Variants in TTN observed in about 807,000 individuals in gnomAD.
TTN encodes the protein connectin.
In TTN, 1,525 loss-of-function variants were observed where a neutral mutation model predicts 3,223.0. The observed-to-expected ratio is 0.47, with a 90% CI of 0.45 to 0.49. The LOEUF is 0.49. Ranked by LOEUF, TTN falls within the 20% of genes least tolerant of loss-of-function variation. The probability of loss-of-function intolerance (pLI) is 0.00; values close to 1 mark genes in which losing one functional copy is unlikely to be tolerated. For missense variants in TTN, 40,786 were observed against 43,424.0 expected (o/e 0.94, Z 5.40); for synonymous variants, 14,094 against 15,161.0 (o/e 0.93, Z 5.17).
Position 178,621,129 on chromosome 2 carries a change from T to C in TTN, c.45589A>G (p.Arg15197Gly), listed in dbSNP as rs748906368. ...ATGACTGTCAAGTGAGCTGCTGCTC[T>C]GGCGGCCCCTACCATGACAACGTAA... ...GTYVVMVGAA[R>G]AAAHLTVIEK... The change falls in exon 246 of 363, where the codon AGA becomes GGA. Residue 15197 changes from arginine (R) to glycine (G), a missense_variant. Arg to Gly is a moderately radical substitution (Grantham distance 125, BLOSUM62 -2). Transcript: ENST00000589042. 9.9e-6 allele frequency: 16 copies of C among 1,612,408 alleles called. No homozygotes were observed. The highest frequency in any genetic ancestry group is 6.7e-5 in the Admixed American group (4 of 59,798).
At position 178,537,582 on chromosome 2, in the gene TTN, C is replaced by G. The variant is rs1244887390; in HGVS notation, c.99625G>C (p.Ala33209Pro). ...GYPLKEKYYG[A>P]VGSTLRLHVM... ...TGAAGCCGAAGTGTGGAACCCACAGCTCCATAATATTTCTCTTTCAGTGGG... is the reference window on the plus strand; with the variant it reads ...TGAAGCCGAAGTGTGGAACCCACAGGTCCATAATATTTCTCTTTCAGTGGG... The change falls in exon 355 of 363, where the codon GCT (alanine) becomes CCT (proline). Residue 33209 changes from alanine (A) to proline (P), a missense_variant. Ala to Pro is a conservative substitution (Grantham distance 27, BLOSUM62 -1). Coordinates refer to ENST00000589042, the MANE Select transcript of TTN (RefSeq NM_001267550.2). 2 of 1,613,704 alleles carry G rather than the reference C, an allele frequency of 1.2e-6. No homozygotes were observed. The highest frequency in any genetic ancestry group is 1.7e-5 in the Admixed American group (1 of 60,012).
chr2:178,699,509 C>T (rs1397168252), intron 111 of TTN, among the ~76,000 whole-genome samples: 14 of 137,442 alleles, frequency 1.0e-4, no homozygotes, highest in Admixed American at 2.2e-4. Context: ...CCTCCCAGGT[C>T]CACACCATTC....
In TTN at chr2:178,575,100, G is replaced by C. The variant is rs778124569; in HGVS notation, c.71032C>G (p.Gln23678Glu). ...GCTGTGGTTTCAAAATTAACTCTCT[G>C]TGTCTGTTTAAGAATTTGGTCTCCT... is the stretch of plus-strand genomic sequence containing the variant. ...KKGDQILKQTQRVNFETTATS... is the reference protein window; with the variant it reads ...KKGDQILKQTERVNFETTATS... Residue 23678 changes from glutamine (Q) to glutamate (E), a missense_variant, in exon 326 of 363, where the codon CAG becomes GAG. Transcript: ENST00000589042. The surrounding 1 kb of genome is among the most constrained non-coding windows in gnomAD (Gnocchi z 4.0). The C allele has an allele frequency of 4.0e-5, 64 of 1,613,146 alleles. No homozygotes were observed. Among genetic ancestry groups the C allele is most frequent in the South Asian group, 3.6e-4 (33 of 91,060 alleles).
chr2:178,729,773 T>C lies in TTN; in HGVS notation c.18480A>G (p.Leu6160=). 1 of 1,613,766 alleles carries C rather than the reference T, an allele frequency of 6.2e-7. No individual in the cohort carries two copies. The highest frequency in any genetic ancestry group is 2.2e-5 in the East Asian group (1 of 44,848). The change falls in exon 63 of 363, where the codon TTA becomes TTG. Residue 6160 remains leucine, a synonymous_variant. Transcript: ENST00000589042. The part of the protein sequence containing the change: ...QKHGISFIDG[L]ATFQISGARV... ...TGGCACCAGAAATCTGGAAAGTGGC[T>C]AAACCATCAATGAAGGAAATGCCAT...
At chr2:178,737,926 C>A in intron 49 of TTN, 156 bp downstream of exon 49, 1 of 723,224 alleles carries the variant, frequency 1.4e-6, no homozygotes, top group Non-Finnish European at 2.1e-6. Flanking sequence ...ATTTCTTATC[C>A]CATATAGGCT....
Position 178,688,752 on chromosome 2 carries a change from C to G in TTN, c.32122G>C (p.Glu10708Gln). The G allele has an allele frequency of 6.2e-7, 1 of 1,613,184 alleles. No homozygotes were observed. Among genetic ancestry groups the G allele is most frequent in the Non-Finnish European group, 8.5e-7 (1 of 1,179,256 alleles). Reference protein sequence around the residue: ...RAEVSKKTVVEEKRFVAEEKL... With the variant: ...RAEVSKKTVVQEKRFVAEEKL... ...TCTTCAGCAACAAATCTCTTTTCTT[C>G]TACAACAGTTTTCTTAGAGACTTCA... Residue 10708 changes from glutamate (E) to glutamine (Q), a missense_variant, in exon 126 of 363, where the codon GAA becomes CAA. Transcript: ENST00000589042.
intron 46 of TTN, among the ~76,000 whole-genome samples, chr2:178,755,254 C>A (rs1440349966): frequency 6.6e-6 from 1 of 152,120 alleles, no homozygotes; most frequent in Admixed American, 6.6e-5. Flanking sequence ...TCCTGCTCTT[C>A]CAGACATAAT....
chr2:178,762,303 C>T (rs2089417911), intron 43 of TTN, among the ~76,000 whole-genome samples: 1 of 152,114 alleles, frequency 6.6e-6, no homozygotes, highest in African/African-American at 2.4e-5. Flanking sequence ...ATGCTAAAAC[C>T]ACTATATGTG....
Position 178,781,122 on chromosome 2 carries a change from T to G in TTN, c.3522A>C (p.Glu1174Asp), listed in dbSNP as rs545280886. Reference protein sequence around the residue: ...ETSASASLLEEADYELLMKSQ... With the variant: ...ETSASASLLEDADYELLMKSQ... ...CATAGAAACTGGAGTTGCACTTACC[T>G]TCTTCAAGCAAGGAAGCAGATGCAG... The change falls in exon 21 of 363, where the codon GAA becomes GAC. Residue 1174 changes from glutamate (E) to aspartate (D), a missense_variant and splice_region_variant. By Grantham distance (45) the Glu-to-Asp change is conservative. Coordinates refer to ENST00000589042, the MANE Select transcript of TTN (RefSeq NM_001267550.2). 42 of 1,613,844 alleles carry G rather than the reference T, an allele frequency of 2.6e-5. No homozygotes were observed. In the South Asian group the frequency reaches 4.3e-4, roughly 16 times the overall value.
In TTN at chr2:178,722,928, T is replaced by C; in HGVS notation, c.21971A>G (p.Tyr7324Cys). The change falls in exon 76 of 363, where the codon TAT (tyrosine) becomes TGT (cysteine). Residue 7324 changes from tyrosine (Y) to cysteine (C), a missense_variant. Coordinates refer to ENST00000589042, the MANE Select transcript of TTN (RefSeq NM_001267550.2). The stretch of plus-strand genomic sequence containing the variant: ...CAGAGGTTCCAGTTCCGTAACAAAA[T>C]AAGGCGGTTCTAAGGAAGAAAGGCT... ...GALVSTLEPP[Y>C]FVTELEPLEA... is the part of the protein sequence containing the mutation. 1 of 1,610,176 alleles carries C rather than the reference T, an allele frequency of 6.2e-7. No homozygotes were observed. The highest frequency in any genetic ancestry group is 8.5e-7 in the Non-Finnish European group (1 of 1,177,996).
At position 178,707,756 on chromosome 2, in the gene TTN, C is replaced by T. The variant is rs1469017379; in HGVS notation, c.28811G>A (p.Gly9604Glu). The T allele has an allele frequency of 1.2e-6, 2 of 1,613,828 alleles. No homozygotes were observed. The highest frequency in any genetic ancestry group is 1.7e-6 in the Non-Finnish European group (2 of 1,179,750). ...ATGGCAGCTGAGCTGCACGTATTCT[C>T]CTTCACTCACTGTTACTGGAGTAAG... ...QHLTPVTVSE[G>E]EYVQLSCHVQ... Residue 9604 changes from glycine (G) to glutamate (E), a missense_variant, in exon 100 of 363, where the codon GGA becomes GAA. Transcript: ENST00000589042.
intron 34 of TTN, 118 bp downstream of exon 34, chr2:178,771,093 A>T: frequency 1.3e-6 from 2 of 1,497,668 alleles, no homozygotes; most frequent in South Asian, 2.4e-5. Flanking sequence ...GAGGATCTAG[A>T]ATGACTTTAT....
rs778467259 is a variant in TTN, at chr2:178,534,473, C to A, written c.102142G>T (p.Asp34048Tyr). ...AFKEISIEAM[D>Y]FVDRLLVKER... ...TTCACTAACAACCGGTCAACAAAATCCATGGCTTCAATGCTAATCTCTTTG... is the reference window on the plus strand; with the variant it reads ...TTCACTAACAACCGGTCAACAAAATACATGGCTTCAATGCTAATCTCTTTG... Residue 34048 changes from aspartate to tyrosine, a missense_variant, in exon 358 of 363, where the codon GAT becomes TAT. Transcript: ENST00000589042. 1 of 1,613,494 alleles carries A rather than the reference C, an allele frequency of 6.2e-7. No homozygotes were observed. Among genetic ancestry groups the A allele is most frequent in the African/African-American group, 1.3e-5 (1 of 74,932 alleles).
In TTN at chr2:178,607,863, G is replaced by A; in HGVS notation, c.52924C>T (p.Leu17642Phe). Residue 17642 changes from leucine (L) to phenylalanine (F), a missense_variant, in exon 276 of 363, where the codon CTT (leucine) becomes TTT (phenylalanine). Leu to Phe is a conservative substitution (Grantham distance 22). Coordinates refer to ENST00000589042, the MANE Select transcript of TTN (RefSeq NM_001267550.2). ...KEIREGADYK[L>F]RVSAVNAAGE... Reference sequence around the variant, plus strand: ...GCGGCATTGACAGCACTCACCCGAAGTTTGTAATCAGCACCCTCTCGGATT... The same window carrying A: ...GCGGCATTGACAGCACTCACCCGAAATTTGTAATCAGCACCCTCTCGGATT... The A allele has an allele frequency of 6.2e-7, 1 of 1,613,048 alleles. No individual in the cohort carries two copies. The highest frequency in any genetic ancestry group is 8.5e-7 in the Non-Finnish European group (1 of 1,179,332).
At chr2:178,704,473 A>T (rs769672541) in intron 105 of TTN, 37 bp downstream of exon 105, 1 of 1,597,630 alleles carries the variant, frequency 6.3e-7, no homozygotes, top group South Asian at 1.1e-5. Context: ...CAGTAATTTA[A>T]ATCTCACAAG....
At position 178,727,789 on chromosome 2, in the gene TTN, G is replaced by T; in HGVS notation, c.19789C>A (p.Leu6597Ile). ...PDSTVEFKAI[L>I]KGTPPFKIKW... ...ATTTTAAATGGTGGTGTTCCTTTTA[G>T]TATTGCCTTAAATTCCACTGTAGAA... Residue 6597 changes from leucine (L) to isoleucine (I), a missense_variant, in exon 68 of 363, where the codon CTA becomes ATA. Leu to Ile is a conservative substitution (Grantham distance 5). Coordinates refer to ENST00000589042, the MANE Select transcript of TTN (RefSeq NM_001267550.2). The T allele has an allele frequency of 3.1e-6, 5 of 1,613,078 alleles. No homozygotes were observed. The highest frequency in any genetic ancestry group is 4.2e-6 in the Non-Finnish European group (5 of 1,179,342).
chr2:178,704,200 T>G lies in TTN; in HGVS notation c.30170A>C (p.Gln10057Pro). ...IADVRAEDQG[Q>P]YTCKYEDLET... ...AAGGTCTTCATATTTGCAGGTGTAC[T>G]GACCCTGGTCTTCTGCTCGAACATC... Residue 10057 changes from glutamine to proline, a missense_variant, in exon 106 of 363, where the codon CAG becomes CCG. Transcript: ENST00000589042. 3.7e-6 allele frequency: 6 copies of G among 1,614,038 alleles called. No individual in the cohort carries two copies. Among genetic ancestry groups the G allele is most frequent in the Non-Finnish European group, 5.1e-6 (6 of 1,179,878 alleles).
At chr2:178,806,784 T>C (rs1403211906) in intron 1 of TTN, among the ~76,000 whole-genome samples, 2 of 152,222 alleles carry the variant, frequency 1.3e-5, no homozygotes, top group Non-Finnish European at 2.9e-5. Context: ...CAGCAGTTGA[T>C]TCCCTTAAAA....
rs1247897056 is a variant in TTN, at chr2:178,545,860, C to G, written c.95376G>C (p.Val31792=). The G allele has an allele frequency of 6.2e-7, 1 of 1,613,802 alleles. No homozygotes were observed. Among genetic ancestry groups the G allele is most frequent in the Non-Finnish European group, 8.5e-7 (1 of 1,179,740 alleles). ...CTACAATTGGCTCTGATTCAACAGG[C>G]ACACCAGGGCCATATTTGTTTACTG... is the stretch of plus-strand genomic sequence containing the variant. ...VRAVNKYGPG[V]PVESEPIVAR... Residue 31792 remains valine (V), a synonymous_variant, in exon 343 of 363, where the codon GTG becomes GTC. Transcript: ENST00000589042.
Sources: allele counts gnomAD v4.1 joint callset (sites outside exome capture counted in the v4.1 genomes callset), GRCh38; gene constraint gnomAD v4.1.1; non-coding constraint Gnocchi (gnomAD v3.1); transcripts MANE v1.5; gene names NCBI Gene and HGNC (gene_info 2026-07-23, HGNC 2026-07-21).